DNAH8: variants seen among roughly 807,000 people sequenced by gnomAD.
DNAH8 encodes the protein dynein axonemal heavy chain 8.
Under a neutral mutation model 562.1 loss-of-function variants are expected in DNAH8, and 382 were observed. The ratio of observed to expected loss-of-function variants is 0.68; its 90% CI spans 0.63 to 0.74. The LOEUF is 0.74. DNAH8 is among the 30% of genes least tolerant of loss of function. DNAH8 has a pLI of 0.00. For synonymous variants in DNAH8, 1,881 were observed against 1,919.4 expected (o/e 0.98, Z 0.52); for missense variants, 5,203 against 5,620.4 (o/e 0.93, Z 2.37).
intron 17 of DNAH8, among the ~76,000 whole-genome samples, chr6:38,786,432 CA>C (rs1769165914): frequency 6.6e-6 from 1 of 152,148 alleles, no homozygotes; most frequent in Non-Finnish European, 1.5e-5. Flanking sequence ...GGTTCTTTCT[CA>C]GGGGTGAAGT....
chr6:38,992,056 C>T (rs13211127), intron 88 of DNAH8, among the ~76,000 whole-genome samples: 20,182 of 152,048 alleles, frequency 0.13, 1,605 homozygotes, highest in East Asian at 0.35. Flanking sequence ...ATCTCCGCCT[C>T]TCAGGTTCAA....
chr6:38,803,106 A>G lies in DNAH8; in HGVS notation c.2902-73A>G. 4 of 1,024,318 alleles carry G rather than the reference A, an allele frequency of 3.9e-6. No individual in the cohort carries two copies. In the East Asian group the frequency reaches 1.2e-4, roughly 30 times the overall value. The allele number at this position is 1,024,318 out of a possible 1,614,324, so 63.5% of individuals were successfully genotyped here. A position where few individuals can be genotyped will look rare whatever the true frequency, so the allele number is the denominator to read the frequency against. Reference sequence around the variant, plus strand: ...AAGTTAATTATAGTTTTATAAATTAAAGTCATAGGACTAATTTTCACAGTG... The same window carrying G: ...AAGTTAATTATAGTTTTATAAATTAGAGTCATAGGACTAATTTTCACAGTG... On this transcript the variant is annotated intron_variant, in intron 21 of 92. Transcript: ENST00000327475.
In DNAH8 at chr6:38,790,363, A is replaced by G; in HGVS notation, c.2739A>G (p.Glu913=). Reference sequence around the variant, plus strand: ...TAACACTGGAAAGCTTCTTTCAAGAAGTCGAATTAGTTTTGGATATGTTCA... The same window carrying G: ...TAACACTGGAAAGCTTCTTTCAAGAGGTCGAATTAGTTTTGGATATGTTCA... ...SSLTLESFFQ[E]VELVLDMFNQ... is the part of the protein sequence containing the mutation. The change falls in exon 20 of 93, where the codon GAA becomes GAG. Residue 913 remains glutamate (E), a synonymous_variant. Coordinates refer to ENST00000327475, the MANE Select transcript of DNAH8 (RefSeq NM_001206927.2). 6.2e-7 allele frequency: 1 copy of G among 1,607,246 alleles called. No homozygotes were observed. Among genetic ancestry groups the G allele is most frequent in the Non-Finnish European group, 8.5e-7 (1 of 1,177,184 alleles).
intron 24 of DNAH8, among the ~76,000 whole-genome samples, chr6:38,811,929 G>A (rs1176680359): frequency 6.6e-6 from 1 of 152,142 alleles, no homozygotes; most frequent in African/African-American, 2.4e-5. Context: ...GGCAGGTTTG[G>A]CTAGGGAGCA....
At chr6:38,781,193 A>G in intron 15 of DNAH8, 61 bp from the exon 16 acceptor site, 5 of 1,562,418 alleles carry the variant, frequency 3.2e-6, no homozygotes, top group Non-Finnish European at 4.4e-6. Flanking sequence ...ATAGCTGTAT[A>G]TATTTTTTGC....
At chr6:38,783,831 G>A (rs1416000072) in intron 17 of DNAH8, among the ~76,000 whole-genome samples, 2 of 152,056 alleles carry the variant, frequency 1.3e-5, no homozygotes, top group African/African-American at 2.4e-5. Context: ...ACTCTTATAC[G>A]TGACCTTGGT....
chr6:38,990,544 A>C (rs1381646768), intron 88 of DNAH8, among the ~76,000 whole-genome samples: 1 of 152,206 alleles, frequency 6.6e-6, no homozygotes, highest in Non-Finnish European at 1.5e-5. Flanking sequence ...GCTCATAAAT[A>C]GAATCTAAAA....
rs755942243 is a variant in DNAH8 at position 38,875,673 on chromosome 6, T to C, written c.7703T>C (p.Val2568Ala). 1.9e-6 allele frequency: 3 copies of C among 1,613,892 alleles called. No homozygotes were observed. Among genetic ancestry groups the C allele is most frequent in the Admixed American group, 1.7e-5 (1 of 60,010 alleles). The stretch of plus-strand genomic sequence containing the variant: ...GTCGAACATCTTCATAAATTATTTG[T>C]GTTTGGCCTAATGTGGAGTTTAGGA... ...SCVEHLHKLF[V>A]FGLMWSLGAL... Residue 2568 changes from valine to alanine, a missense_variant, in exon 53 of 93, where the codon GTG (valine) becomes GCG (alanine). Val to Ala is a moderately conservative substitution (Grantham distance 64, BLOSUM62 0). This residue lies in a region of DNAH8 where 977 missense variants were observed against 1,061.8 expected (regional missense o/e 0.92). Coordinates refer to ENST00000327475, the MANE Select transcript of DNAH8 (RefSeq NM_001206927.2).
intron 82 of DNAH8, among the ~76,000 whole-genome samples, chr6:38,963,353 G>T (rs1583465051): frequency 3.9e-5 from 2 of 51,592 alleles, no homozygotes; most frequent in Non-Finnish European, 6.8e-5. Flanking sequence ...CATTTTCTTT[G>T]AGAAAGTCCT....
intron 30 of DNAH8, 28 bp from the exon 31 acceptor site, chr6:38,832,294 T>A: frequency 1.4e-6 from 2 of 1,427,868 alleles, no homozygotes; most frequent in Non-Finnish European, 2.0e-6. Flanking sequence ...ACTTTCACTC[T>A]CAGGTTGAAT....
intron 21 of DNAH8, among the ~76,000 whole-genome samples, chr6:38,800,148 T>C (rs961646714): frequency 5.9e-5 from 9 of 152,216 alleles, no homozygotes; most frequent in Non-Finnish European, 1.2e-4. Flanking sequence ...CACCAGTTGA[T>C]GGACATTTGG....
chr6:38,889,312 AT>A (rs947537380), intron 57 of DNAH8, among the ~76,000 whole-genome samples: 35 of 148,528 alleles, frequency 2.4e-4, no homozygotes, highest in East Asian at 3.9e-4. Context: ...AATTTCAAAA[AT>A]TTTTTTTTTT....
chr6:38,923,239 A>G (rs1224474207), intron 72 of DNAH8, 54 bp downstream of exon 72: 2 of 1,598,398 alleles, frequency 1.3e-6, no homozygotes, highest in African/African-American at 1.3e-5. Context: ...ATTAGAGAAC[A>G]TAAAGTCCAT....
chr6:38,831,911 T>A (rs981799858), intron 30 of DNAH8, among the ~76,000 whole-genome samples: 1 of 152,184 alleles, frequency 6.6e-6, no homozygotes, highest in Non-Finnish European at 1.5e-5. Flanking sequence ...ATTTGCTATT[T>A]TTTTTTAATA....
At chr6:38,906,724 A>C (rs1314243621) in intron 63 of DNAH8, among the ~76,000 whole-genome samples, 1 of 152,148 alleles carries the variant, frequency 6.6e-6, no homozygotes, top group Non-Finnish European at 1.5e-5. Flanking sequence ...AATGGTTGAA[A>C]GAGTTCTGTT....
At chr6:38,951,728 A>G (rs1761920655) in intron 82 of DNAH8, among the ~76,000 whole-genome samples, 1 of 152,168 alleles carries the variant, frequency 6.6e-6, no homozygotes, top group Non-Finnish European at 1.5e-5. Flanking sequence ...ATGCTCATCT[A>G]GCATATAGTG....
intron 80 of DNAH8, among the ~76,000 whole-genome samples, chr6:38,947,313 G>A (rs1397881050): frequency 1.3e-5 from 2 of 152,206 alleles, no homozygotes; most frequent in African/African-American, 4.8e-5. Flanking sequence ...CTGTGGGAAG[G>A]AAGGGAGGAA....
At chr6:38,786,678 A>G (rs1769185028) in intron 17 of DNAH8, 87 bp from the exon 18 acceptor site, 1 of 1,380,674 alleles carries the variant, frequency 7.2e-7, no homozygotes, top group South Asian at 1.3e-5. Flanking sequence ...GAAGTTAGTA[A>G]TCCAGGGGGC....
At chr6:38,850,139 C>A in intron 37 of DNAH8, 112 bp from the exon 38 acceptor site, 1 of 981,262 alleles carries the variant, frequency 1.0e-6, no homozygotes, top group South Asian at 1.8e-5. Flanking sequence ...ATTATGCAGC[C>A]TGAGACTAAT....
Sources: gnomAD v4.1 joint callset for allele counts (sites outside exome capture counted in the v4.1 genomes callset) on GRCh38, gnomAD v4.1.1 for gene constraint, gnomAD v4.1.1 regional missense constraint, MANE v1.5 for transcripts, NCBI Gene and HGNC (gene_info 2026-07-23, HGNC 2026-07-21) for gene names.